Variants in SOCS7 observed in about 807,000 individuals in gnomAD.
The protein encoded by SOCS7 is NAP-4.
SOCS7 carries 18 observed loss-of-function variants against 58.9 expected under a neutral mutation model. The ratio of observed to expected loss-of-function variants is 0.31; its 90% CI spans 0.21 to 0.45. The LOEUF is 0.45. Among genes scored for constraint, SOCS7 ranks in the 20% least tolerant of loss-of-function variants. The pLI is 1.00. For missense variants in SOCS7, 667 were observed against 837.3 expected (o/e 0.80, Z 2.51); for synonymous variants, 388 against 364.3 (o/e 1.06, Z -0.74).
intron 1 of SOCS7, among the ~76,000 whole-genome samples, chr17:38,358,934 G>C (rs2037677001): frequency 6.6e-6 from 1 of 152,172 alleles, no homozygotes; most frequent in Middle Eastern, 3.2e-3. Flanking sequence ...GCTGAAGTGA[G>C]AAGGCCTCCG....
intron 5 of SOCS7, among the ~76,000 whole-genome samples, chr17:38,366,915 T>G (rs1490565145): frequency 6.6e-6 from 1 of 152,210 alleles, no homozygotes; most frequent in African/African-American, 2.4e-5. Context: ...GGGAAAAAAT[T>G]TGGACATGAT....
At chr17:38,389,905 A>ATATATG (rs2038145326) in intron 7 of SOCS7, among the ~76,000 whole-genome samples, 2 of 107,090 alleles carry the variant, frequency 1.9e-5, no homozygotes, top group Admixed American at 1.0e-4. Context: ...ATATACACAT[A>ATATATG]TAGAGAGAGA....
chr17:38,369,999 G>A (rs918989509), intron 6 of SOCS7, among the ~76,000 whole-genome samples: 3 of 151,988 alleles, frequency 2.0e-5, no homozygotes, highest in Admixed American at 6.6e-5. Context: ...CACCATGTTG[G>A]TGAGGCTGGT....
chr17:38,385,594 G>T (rs2038059049), intron 7 of SOCS7, among the ~76,000 whole-genome samples: 2 of 151,756 alleles, frequency 1.3e-5, no homozygotes, highest in Non-Finnish European at 2.9e-5. Flanking sequence ...CTCTACACCT[G>T]TCTTTATAAT....
At position 38,366,427 on chromosome 17, in the gene SOCS7, A is replaced by G. The variant is rs2037791032; in HGVS notation, c.1383+10A>G. ...TCGAGAGTTGGAGAAGGTAGGTGGT[A>G]CCTAAGGACTGGCAGGTCACTTCTC... On this transcript the variant is annotated intron_variant, in intron 5 of 9. Coordinates refer to ENST00000612932, the MANE Select transcript of SOCS7 (RefSeq NM_014598.4). 1.2e-6 allele frequency: 2 copies of G among 1,614,126 alleles called. No individual in the cohort carries two copies. The highest frequency in any genetic ancestry group is 2.2e-5 in the East Asian group (1 of 44,886).
At chr17:38,396,967 G>A (rs1375863259) in intron 9 of SOCS7, among the ~76,000 whole-genome samples, 1 of 152,200 alleles carries the variant, frequency 6.6e-6, no homozygotes, top group African/African-American at 2.4e-5. Context: ...AGATTAGGGT[G>A]AGAGGTAGAG....
In SOCS7 at chr17:38,404,414, A is replaced by G. The variant is rs368418407; in HGVS notation, c.*4932A>G. On this transcript the variant is annotated 3_prime_UTR_variant, in exon 10 of 10. Coordinates refer to ENST00000612932, the MANE Select transcript of SOCS7 (RefSeq NM_014598.4). ...CTGCTATCCCGTCCCACTCCCATCT[A>G]CCTCCCGGGAAGCCAGCCCTGCATG... 1 of 150,610 alleles carries G rather than the reference A, an allele frequency of 6.6e-6. No individual in the cohort carries two copies. Among genetic ancestry groups the G allele is most frequent in the Non-Finnish European group, 1.5e-5 (1 of 67,808 alleles). 9.3% of individuals were successfully genotyped at this position (150,610 alleles called of 1,614,324 possible). A position where few individuals can be genotyped will look rare whatever the true frequency, so the allele number is the denominator to read the frequency against.
chr17:38,374,372 C>T lies in SOCS7; in HGVS notation c.1553-3342C>T, dbSNP rs2037905346. ...GGGCAACGTGGTGAAACCACATTTC[C>T]ACAAAAGATACAAAAATTAGCTGGG... On this transcript the variant is annotated intron_variant, in intron 6 of 9. Transcript: ENST00000612932. Among the ~76,000 whole-genome samples, 3 of 152,132 alleles carry T rather than the reference C, an allele frequency of 2.0e-5. No homozygotes were observed. In the South Asian group the frequency reaches 6.2e-4, roughly 32 times the overall value.
chr17:38,353,880 C>G (rs140342731), intron 1 of SOCS7, among the ~76,000 whole-genome samples: 1 of 152,168 alleles, frequency 6.6e-6, no homozygotes. Context: ...GAATAGTGAT[C>G]GTGCCACTGC....
At chr17:38,375,496 C>T (rs558103869) in intron 6 of SOCS7, among the ~76,000 whole-genome samples, 1 of 152,040 alleles carries the variant, frequency 6.6e-6, no homozygotes, top group African/African-American at 2.4e-5. Flanking sequence ...AATAGTATTC[C>T]TTTTTCTAGC....
chr17:38,369,197 C>T (rs1339184925), intron 6 of SOCS7, among the ~76,000 whole-genome samples: 1 of 152,168 alleles, frequency 6.6e-6, no homozygotes, highest in Non-Finnish European at 1.5e-5. Flanking sequence ...ACAGTCTTAC[C>T]ATGGTGGTCA....
Position 38,401,542 on chromosome 17 carries a change from A to G in SOCS7, c.*2060A>G, listed in dbSNP as rs2038318914. 1 of 152,002 alleles carries G rather than the reference A, an allele frequency of 6.6e-6. No individual in the cohort carries two copies. Among genetic ancestry groups the G allele is most frequent in the Non-Finnish European group, 1.5e-5 (1 of 68,022 alleles). The allele number at this position is 152,002 out of a possible 1,614,324, so 9.4% of individuals were successfully genotyped here. Reference sequence around the variant, plus strand: ...TGGCTTTGCGCTAGATATTGTAGAAAACAAAAAAGGTAAAAGACGTAATAT... The same window carrying G: ...TGGCTTTGCGCTAGATATTGTAGAAGACAAAAAAGGTAAAAGACGTAATAT... On this transcript the variant is annotated 3_prime_UTR_variant, in exon 10 of 10. Coordinates refer to ENST00000612932, the MANE Select transcript of SOCS7 (RefSeq NM_014598.4).
At position 38,352,737 on chromosome 17, in the gene SOCS7, C is replaced by G. The variant is rs1444071732; in HGVS notation, c.685C>G (p.Pro229Ala). The change falls in exon 1 of 10, where the codon CCG (proline) becomes GCG (alanine). Residue 229 changes from proline (P) to alanine (A), a missense_variant. By Grantham distance (27) the Pro-to-Ala change is conservative (BLOSUM62 -1). Around this residue, in one of 9 missense-constraint regions of SOCS7, gnomAD observed 208 missense variants for 190.3 expected, o/e 1.09. Coordinates refer to ENST00000612932, the MANE Select transcript of SOCS7 (RefSeq NM_014598.4). This position sits in a 1 kb window ranked among gnomAD's most constrained non-coding sequence, Gnocchi z 5.5. ...PGPELPPVPF[P>A]LQDLVPLGRL... ...CCCTGAATTACCTCCGGTGCCCTTC[C>G]CGCTGCAGGACTTGGTCCCTCTGGG... The G allele has an allele frequency of 6.5e-7, 1 of 1,550,016 alleles. No individual in the cohort carries two copies. Among genetic ancestry groups the G allele is most frequent in the Non-Finnish European group, 8.7e-7 (1 of 1,146,954 alleles).
chr17:38,368,024 A>G lies in SOCS7; in HGVS notation c.1526A>G (p.His509Arg), dbSNP rs1195143037. Reference sequence around the variant, plus strand: ...AGTTTCCGATCACAGGGTATCACCCACCACACTAGAATGGAGCACTACAGA... The same window carrying G: ...AGTTTCCGATCACAGGGTATCACCCGCCACACTAGAATGGAGCACTACAGA... ...SLSFRSQGIT[H>R]HTRMEHYRGT... The change falls in exon 6 of 10, where the codon CAC becomes CGC. Residue 509 changes from histidine to arginine, a missense_variant. Coordinates refer to ENST00000612932, the MANE Select transcript of SOCS7 (RefSeq NM_014598.4). 1.2e-6 allele frequency: 2 copies of G among 1,614,116 alleles called. No homozygotes were observed. The highest frequency in any genetic ancestry group is 1.7e-6 in the Non-Finnish European group (2 of 1,179,970).
At position 38,361,793 on chromosome 17, in the gene SOCS7, C is replaced by T. The variant is rs762476001; in HGVS notation, c.1045+18C>T. Reference sequence around the variant, plus strand: ...GTTCACAGGTAAGGGTAATATCTTTCTCTCTTCTGACATCTGAAAACAGGG... The same window carrying T: ...GTTCACAGGTAAGGGTAATATCTTTTTCTCTTCTGACATCTGAAAACAGGG... On this transcript the variant is annotated intron_variant, in intron 2 of 9. Transcript: ENST00000612932. 13 of 1,583,136 alleles carry T rather than the reference C, an allele frequency of 8.2e-6. No individual in the cohort carries two copies. The African/African-American group carries it at 1.8e-4, about 21-fold the overall frequency.
chr17:38,390,967 G>A (rs1191858190), intron 7 of SOCS7, among the ~76,000 whole-genome samples: 1 of 151,844 alleles, frequency 6.6e-6, no homozygotes, highest in African/African-American at 2.4e-5. Context: ...AAAGTGCTGG[G>A]ATTATAGGTA....
chr17:38,395,175 G>T, intron 7 of SOCS7, 134 bp from the exon 8 acceptor site: 1 of 778,774 alleles, frequency 1.3e-6, no homozygotes, highest in East Asian at 2.8e-5. Context: ...ACTTTGTGGA[G>T]GGGCTTTTGC....
rs186937869 is a variant in SOCS7 at position 38,361,646 on chromosome 17, G to A, written c.981-65G>A. On this transcript the variant is annotated intron_variant, in intron 1 of 9. Coordinates refer to ENST00000612932, the MANE Select transcript of SOCS7 (RefSeq NM_014598.4). Reference sequence around the variant, plus strand: ...CAGTGCATCTGGAACTGAGTGTTGTGGTGACTTAAATGCATATGTGTTCAT... The same window carrying A: ...CAGTGCATCTGGAACTGAGTGTTGTAGTGACTTAAATGCATATGTGTTCAT... 3.8e-4 allele frequency: 469 copies of A among 1,221,262 alleles called. 2 individuals are homozygous for A. The African/African-American group carries it at 5.5e-3, about 14-fold the overall frequency. The allele number at this position is 1,221,262 out of a possible 1,614,324, so 75.7% of individuals were successfully genotyped here.
chr17:38,384,862 A>AT (rs1487831605), intron 7 of SOCS7, among the ~76,000 whole-genome samples: 1 of 137,638 alleles, frequency 7.3e-6, no homozygotes, highest in Non-Finnish European at 1.5e-5. Flanking sequence ...AAGTGCTGGG[A>AT]TTACAGGCGT....
Sources: gnomAD v4.1 joint callset for allele counts (sites outside exome capture counted in the v4.1 genomes callset) on GRCh38, gnomAD v4.1.1 for gene constraint, gnomAD v4.1.1 regional missense constraint, Gnocchi (gnomAD v3.1) non-coding constraint, MANE v1.5 for transcripts, NCBI Gene and HGNC (gene_info 2026-07-23, HGNC 2026-07-21) for gene names.